SDK2: variants seen among roughly 807,000 people sequenced by gnomAD.
The protein encoded by SDK2 is sidekick cell adhesion molecule 2, also known as protein sidekick-2.
In SDK2, 105 loss-of-function variants were observed where a neutral mutation model predicts 253.9. The observed-to-expected ratio is 0.41, with a 90% confidence interval of 0.35 to 0.49. SDK2 has a LOEUF of 0.49. Among genes scored for constraint, SDK2 ranks in the 20% least tolerant of loss-of-function variants. The pLI, the probability that SDK2 is intolerant of heterozygous loss-of-function variation, is 0.06. For synonymous variants in SDK2, 1,249 were observed against 1,234.9 expected, an observed-to-expected ratio of 1.01 and a Z score of -0.24; for missense variants, 2,608 against 3,003.0, an observed-to-expected ratio of 0.87 and a Z score of 3.07.
intron 33 of SDK2, among the ~76,000 whole-genome samples, chr17:73,382,233 AAAG>A (rs2145475942): frequency 6.6e-6 from 1 of 151,914 alleles, no homozygotes; most frequent in African/African-American, 2.4e-5. Context: ...AAAAAAAAAA[AAAG>A]AAGAGGCTCT....
chr17:73,383,742 G>T lies in SDK2; in HGVS notation c.4705+134C>A, dbSNP rs2062850271. 2 of 1,012,610 alleles carry T rather than the reference G, an allele frequency of 2.0e-6. No individual in the cohort carries two copies. The highest frequency in any genetic ancestry group is 3.0e-6 in the Non-Finnish European group (2 of 677,786). The allele number at this position is 1,012,610 out of a possible 1,614,324, so 62.7% of individuals were successfully genotyped here. Reference sequence around the variant, plus strand: ...AAATGAATGAATGGGATGGGAGGAGGGAGAGGCACACATGGAGGAGGGAGG... The same window carrying T: ...AAATGAATGAATGGGATGGGAGGAGTGAGAGGCACACATGGAGGAGGGAGG... On this transcript the variant is annotated intron_variant, in intron 33 of 44. Coordinates refer to ENST00000392650, the MANE Select transcript of SDK2 (RefSeq NM_001144952.2). This position sits in a 1 kb window ranked among gnomAD's most constrained non-coding sequence, Gnocchi z 4.3.
At chr17:73,532,485 G>A (rs1044884987) in intron 1 of SDK2, among the ~76,000 whole-genome samples, 3 of 152,212 alleles carry the variant, frequency 2.0e-5, no homozygotes, top group South Asian at 2.1e-4. Flanking sequence ...AGAGTCAGGT[G>A]GCAGGGGAGG....
chr17:73,350,626 C>A, intron 42 of SDK2, 24 bp downstream of exon 42: 1 of 1,602,688 alleles, frequency 6.2e-7, no homozygotes, highest in Non-Finnish European at 8.5e-7. Context: ...GTCCAGCCAG[C>A]ATGGCTGGTG....
At chr17:73,365,935 C>T (rs554491499) in intron 37 of SDK2, among the ~76,000 whole-genome samples, 1 of 152,110 alleles carries the variant, frequency 6.6e-6, no homozygotes, top group Non-Finnish European at 1.5e-5. Flanking sequence ...ACGCCAAGGA[C>T]AGTCAGACCC....
intron 1 of SDK2, among the ~76,000 whole-genome samples, chr17:73,582,284 GCACACCAC>G (rs2045546249): frequency 9.8e-6 from 1 of 101,958 alleles, no homozygotes; most frequent in African/African-American, 4.5e-5. Context: ...ATTTGGGGGC[GCACACCAC>G]GCAGGCATCA....
At chr17:73,499,786 C>T (rs1050181685) in intron 2 of SDK2, among the ~76,000 whole-genome samples, 10 of 151,676 alleles carry the variant, frequency 6.6e-5, no homozygotes, top group African/African-American at 1.2e-4. Context: ...TGTGAGATGA[C>T]GGCAGTAAAG....
intron 16 of SDK2, among the ~76,000 whole-genome samples, chr17:73,418,456 C>T (rs563102492): frequency 2.2e-4 from 34 of 152,274 alleles, no homozygotes; most frequent in Middle Eastern, 3.4e-3. Context: ...TGAGAACCAC[C>T]GCCCTTCAGG....
rs1380478275 is a variant in SDK2 at position 73,431,713 on chromosome 17, G to A, written c.1313-44C>T. 10 of 1,542,556 alleles carry A rather than the reference G, an allele frequency of 6.5e-6. No homozygotes were observed. Among genetic ancestry groups the A allele is most frequent in the South Asian group, 1.2e-5 (1 of 82,974 alleles). Reference sequence around the variant, plus strand: ...GGGGGTCAGCCTGTAGCCCCCAAGGGCACACCCTGCCCTTCCCTGGCCGCT... The same window carrying A: ...GGGGGTCAGCCTGTAGCCCCCAAGGACACACCCTGCCCTTCCCTGGCCGCT... On this transcript the variant is annotated intron_variant, in intron 10 of 44. Transcript: ENST00000392650. The surrounding 1 kb of genome is among the most constrained non-coding windows in gnomAD (Gnocchi z 5.6).
chr17:73,459,037 A>G (rs1219695014), intron 3 of SDK2, among the ~76,000 whole-genome samples: 1 of 152,044 alleles, frequency 6.6e-6, no homozygotes, highest in East Asian at 1.9e-4. Context: ...AAACAAACAG[A>G]CAAAAAAACT....
At chr17:73,515,425 A>C (rs549404142) in intron 1 of SDK2, among the ~76,000 whole-genome samples, 2 of 152,256 alleles carry the variant, frequency 1.3e-5, no homozygotes, top group African/African-American at 4.8e-5. Context: ...CCAGAGCCAG[A>C]TTCTGGGATG....
rs773485751 is a variant in SDK2, at chr17:73,616,148, C to G, written c.64+27877G>C. On this transcript the variant is annotated intron_variant, in intron 1 of 44. Coordinates refer to ENST00000392650, the MANE Select transcript of SDK2 (RefSeq NM_001144952.2). This position sits in a 1 kb window ranked among gnomAD's most constrained non-coding sequence, Gnocchi z 5.2. ...GTTTGTGGAATCGGTACCTCCTCTT[C>G]CCCAGAACATCAGGAAGCGACCAGA... Among the ~76,000 whole-genome samples, 25 of 152,184 alleles carry G rather than the reference C, an allele frequency of 1.6e-4. No individual in the cohort carries two copies. Among genetic ancestry groups the G allele is most frequent in the Non-Finnish European group, 2.9e-4 (20 of 68,038 alleles).
chr17:73,409,849 C>CTCTG (rs933989609), intron 18 of SDK2, among the ~76,000 whole-genome samples: 1 of 5,012 alleles, frequency 2.0e-4, no homozygotes, highest in Admixed American at 3.5e-3. Flanking sequence ...GTCTGTCTGT[C>CTCTG]TCTGTCTCTC....
intron 44 of SDK2, among the ~76,000 whole-genome samples, chr17:73,339,832 C>CA (rs2062419360): frequency 8.6e-5 from 13 of 151,930 alleles, no homozygotes; most frequent in Admixed American, 8.5e-4. Flanking sequence ...GCTGGGATTA[C>CA]AGGCGTGAGC....
rs556978104 is a variant in SDK2 at position 73,447,629 on chromosome 17, G to A, written c.599C>T (p.Thr200Met). Residue 200 changes from threonine (T) to methionine (M), a missense_variant, in exon 5 of 45, where the codon ACG becomes ATG. This residue lies in a region of SDK2 where 1,505 missense variants were observed against 1,859.1 expected (regional missense o/e 0.81). Coordinates refer to ENST00000392650, the MANE Select transcript of SDK2 (RefSeq NM_001144952.2). This position sits in a 1 kb window ranked among gnomAD's most constrained non-coding sequence, Gnocchi z 4.0. ...TGCGTACTTACTCTCCACGGTGAGC[G>A]TGATGGGCTGGCTGGTCTTGTTATC... ...NGDNKTSQPI[T>M]LTVENVGGPA... The A allele has an allele frequency of 7.7e-6, 12 of 1,551,986 alleles. No homozygotes were observed. Among genetic ancestry groups the A allele is most frequent in the Admixed American group, 5.9e-5 (3 of 51,014 alleles).
At chr17:73,514,777 G>T (rs1226573174) in intron 1 of SDK2, among the ~76,000 whole-genome samples, 3 of 152,198 alleles carry the variant, frequency 2.0e-5, no homozygotes, top group African/African-American at 7.2e-5. Context: ...TGGAAACAGG[G>T]TGGGAGCTGG....
intron 1 of SDK2, among the ~76,000 whole-genome samples, chr17:73,583,727 C>T (rs373296421): frequency 6.7e-5 from 8 of 119,468 alleles, no homozygotes; most frequent in East Asian, 1.9e-4. Context: ...GGTGAGCACA[C>T]GGGTGGTGGG....
intron 38 of SDK2, among the ~76,000 whole-genome samples, chr17:73,363,322 G>A (rs1394599257): frequency 1.3e-5 from 2 of 152,190 alleles, no homozygotes; most frequent in South Asian, 2.1e-4. Context: ...CCACCGCCTC[G>A]GCCTCCCGAA....
intron 1 of SDK2, among the ~76,000 whole-genome samples, chr17:73,550,161 G>A (rs1483799057): frequency 2.6e-5 from 4 of 152,100 alleles, no homozygotes; most frequent in Admixed American, 2.6e-4. Context: ...AGGTTGAGCT[G>A]GCCTGGCTTG....
chr17:73,506,683 C>T (rs1208468962), intron 2 of SDK2, among the ~76,000 whole-genome samples: 1 of 152,192 alleles, frequency 6.6e-6, no homozygotes, highest in Admixed American at 6.5e-5. Context: ...GGGTTGGAGC[C>T]AATAAAACAG....
Sources: allele counts gnomAD v4.1 joint callset (sites outside exome capture counted in the v4.1 genomes callset), GRCh38; gene constraint gnomAD v4.1.1; regional missense constraint gnomAD v4.1.1; non-coding constraint Gnocchi (gnomAD v3.1); transcripts MANE v1.5; gene names NCBI Gene and HGNC (gene_info 2026-07-23, HGNC 2026-07-21).